The following SLC26A11 variants were observed in gnomAD, a reference collection of about 807,000 sequenced individuals.
SLC26A11 encodes the protein solute carrier family 26 member 11.
SLC26A11 carries 58 observed loss-of-function variants against 62.2 expected under a neutral mutation model. The ratio of observed to expected loss-of-function variants is 0.93; its 90% CI spans 0.76 to 1.16. SLC26A11 has a LOEUF of 1.16. Ranked by LOEUF, SLC26A11 falls within the 50% of genes most tolerant of loss-of-function variation. SLC26A11 has a pLI of 0.00. For synonymous variants in SLC26A11, 411 were observed against 368.9 expected (o/e 1.11, Z -1.31); for missense variants, 790 against 794.3 (o/e 0.99, Z 0.06).
rs975758291 is a variant in SLC26A11 at position 80,248,616 on chromosome 17, C to G, written c.1464C>G (p.Gly488=). The change falls in exon 15 of 18, where the codon GGC becomes GGG. Residue 488 remains glycine (G), a synonymous_variant. Coordinates refer to ENST00000361193, the MANE Select transcript of SLC26A11 (RefSeq NM_001166347.2). The stretch of plus-strand genomic sequence containing the variant: ...TTCTGGTCCTGCAGCCGGCCAGCGG[C>G]CTGTCCTTCCCTGCCATGGAGGCTC... ...GPVLVLQPAS[G]LSFPAMEALR... 6.3e-7 allele frequency: 1 copy of G among 1,590,384 alleles called. No individual in the cohort carries two copies. The highest frequency in any genetic ancestry group is 1.3e-5 in the African/African-American group (1 of 74,412).
Position 80,222,533 on chromosome 17 carries a change from G to A in SLC26A11, c.235-122G>A, listed in dbSNP as rs2042251126. On this transcript the variant is annotated intron_variant, in intron 3 of 17. Coordinates refer to ENST00000361193, the MANE Select transcript of SLC26A11 (RefSeq NM_001166347.2). The surrounding 1 kb of genome is among the most constrained non-coding windows in gnomAD (Gnocchi z 4.7). Reference sequence around the variant, plus strand: ...AGGTCCACCCACAGGGCAGGGCGGTGCACCTTTAACCTGGGCCTGGACACA... The same window carrying A: ...AGGTCCACCCACAGGGCAGGGCGGTACACCTTTAACCTGGGCCTGGACACA... The A allele has an allele frequency of 5.8e-6, 6 of 1,030,838 alleles. No homozygotes were observed. In the South Asian group the frequency reaches 7.5e-5, roughly 13 times the overall value. The allele number at this position is 1,030,838 out of a possible 1,614,324, so 63.9% of individuals were successfully genotyped here. A position where few individuals can be genotyped will look rare whatever the true frequency, so the allele number is the denominator to read the frequency against.
At position 80,222,465 on chromosome 17, in the gene SLC26A11, C is replaced by A; in HGVS notation, c.235-190C>A. On this transcript the variant is annotated intron_variant, in intron 3 of 17. Coordinates refer to ENST00000361193, the MANE Select transcript of SLC26A11 (RefSeq NM_001166347.2). The surrounding 1 kb of genome is among the most constrained non-coding windows in gnomAD (Gnocchi z 4.7). ...CTGCCTGGCTGTCTGCACCCTGAGG[C>A]CCCAGTTGAGTGCTGCTAAAAAAGT... 3 of 598,134 alleles carry A rather than the reference C, an allele frequency of 5.0e-6. No individual in the cohort carries two copies. The highest frequency in any genetic ancestry group is 8.9e-6 in the Non-Finnish European group (3 of 337,870). The allele number at this position is 598,134 out of a possible 1,614,324, so 37.1% of individuals were successfully genotyped here.
At chr17:80,221,867 C>T (rs2042215028) in intron 3 of SLC26A11, 73 bp downstream of exon 3, 1 of 1,409,174 alleles carries the variant, frequency 7.1e-7, no homozygotes, top group Non-Finnish European at 9.5e-7. Flanking sequence ...TCCCAGACAC[C>T]ATCAGCGATT....
At chr17:80,245,341 C>G (rs944016021) in intron 11 of SLC26A11, 85 bp downstream of exon 11, 7 of 1,376,672 alleles carry the variant, frequency 5.1e-6, no homozygotes, top group Non-Finnish European at 7.2e-6. Flanking sequence ...CTGCCCTGAC[C>G]CCGGCGCCCC....
rs1567964965 is a variant in SLC26A11 at position 80,246,015 on chromosome 17, G to A, written c.1098-139G>A. The A allele has an allele frequency of 1.8e-5, 18 of 989,946 alleles. No homozygotes were observed. The highest frequency in any genetic ancestry group is 2.6e-5 in the Non-Finnish European group (16 of 627,222). The allele number at this position is 989,946 out of a possible 1,614,324, so 61.3% of individuals were successfully genotyped here. On this transcript the variant is annotated intron_variant, in intron 11 of 17. Coordinates refer to ENST00000361193, the MANE Select transcript of SLC26A11 (RefSeq NM_001166347.2). This position sits in a 1 kb window ranked among gnomAD's most constrained non-coding sequence, Gnocchi z 4.4. The stretch of plus-strand genomic sequence containing the variant: ...ACTGCACCCTAAGTCTCTTTGCCTC[G>A]GTCCCCTTGCAGTCCCCGCCTGCTT...
At chr17:80,238,330 G>T (rs1237590466) in intron 9 of SLC26A11, among the ~76,000 whole-genome samples, 4 of 152,204 alleles carry the variant, frequency 2.6e-5, no homozygotes, top group Admixed American at 6.5e-5. Context: ...TCCAGCCTGG[G>T]CAGCAGAACA....
intron 9 of SLC26A11, among the ~76,000 whole-genome samples, chr17:80,240,787 A>G (rs549733896): frequency 7.2e-5 from 11 of 152,258 alleles, no homozygotes; most frequent in Middle Eastern, 3.4e-3. Context: ...TGGGTGACAG[A>G]GCAAGACTCC....
At chr17:80,243,006 C>G (rs193239023) in intron 10 of SLC26A11, among the ~76,000 whole-genome samples, 1 of 152,138 alleles carries the variant, frequency 6.6e-6, no homozygotes, top group Non-Finnish European at 1.5e-5. Flanking sequence ...CGCGCCTGGC[C>G]CAGTGTGAAT....
In SLC26A11 at chr17:80,221,697, A is replaced by C; in HGVS notation, c.137A>C (p.Gln46Pro). ...GCGTGGCTGCCCAGCTACTCCCTGC[A>C]GTGGCTGAAGATGGATTTCGTCGCC... ...ILAWLPSYSLQWLKMDFVAGL... is the reference protein window; with the variant it reads ...ILAWLPSYSLPWLKMDFVAGL... Residue 46 changes from glutamine (Q) to proline (P), a missense_variant, in exon 3 of 18, where the codon CAG (glutamine) becomes CCG (proline). By Grantham distance (76) the Gln-to-Pro change is moderately conservative (BLOSUM62 -1). Transcript: ENST00000361193. The C allele has an allele frequency of 6.2e-7, 1 of 1,613,710 alleles. No individual in the cohort carries two copies.
intron 6 of SLC26A11, among the ~76,000 whole-genome samples, chr17:80,226,509 T>C (rs2042415611): frequency 6.6e-6 from 1 of 152,200 alleles, no homozygotes; most frequent in Non-Finnish European, 1.5e-5. Context: ...AAGACCAGCC[T>C]GGTCAACATG....
chr17:80,220,634 C>T (rs1333269597), intron 1 of SLC26A11, 138 bp downstream of exon 1: 4 of 283,620 alleles, frequency 1.4e-5, no homozygotes, highest in Non-Finnish European at 2.0e-5. Flanking sequence ...GGGGACCACT[C>T]CCCCGCCGCG....
At chr17:80,235,220 T>C (rs534107662) in intron 7 of SLC26A11, among the ~76,000 whole-genome samples, 74 of 152,324 alleles carry the variant, frequency 4.9e-4, no homozygotes, top group Non-Finnish European at 8.5e-4. Flanking sequence ...TCTGTTTTTT[T>C]TTTAAGTATA....
intron 10 of SLC26A11, among the ~76,000 whole-genome samples, chr17:80,242,638 C>T (rs9674541): frequency 0.011 from 1,649 of 152,304 alleles, 24 homozygotes; most frequent in African/African-American, 0.037. Context: ...CCCGCTTTCA[C>T]GGTTTAGTTC....
In SLC26A11 at chr17:80,246,403, AC is replaced by A; in HGVS notation, c.1154-101del. 1 of 1,510,430 alleles carries A rather than the reference AC, an allele frequency of 6.6e-7. No homozygotes were observed. 93.6% of individuals were successfully genotyped at this position (1,510,430 alleles called of 1,614,324 possible). On this transcript the variant is annotated intron_variant, in intron 12 of 17. Transcript: ENST00000361193. This position sits in a 1 kb window ranked among gnomAD's most constrained non-coding sequence, Gnocchi z 4.4. Reference sequence around the variant, plus strand: ...TGGGGGCCTTGGCAGTCGTCGCCCTACCCCCACCCCTGTCCCCAGTGGGCTC... The same window carrying A: ...TGGGGGCCTTGGCAGTCGTCGCCCTACCCCACCCCTGTCCCCAGTGGGCTC...
rs955273643 is a variant in SLC26A11 at position 80,222,886 on chromosome 17, C to T, written c.427+39C>T. On this transcript the variant is annotated intron_variant, in intron 4 of 17. Transcript: ENST00000361193. This position sits in a 1 kb window ranked among gnomAD's most constrained non-coding sequence, Gnocchi z 4.7. ...TTCTTGCCAAGGGGATGCCCTCGAC[C>T]TCAGCATTTGCTTGTTTGCATTTCA... 1 of 1,601,230 alleles carries T rather than the reference C, an allele frequency of 6.2e-7. No individual in the cohort carries two copies. Among genetic ancestry groups the T allele is most frequent in the African/African-American group, 1.3e-5 (1 of 74,466 alleles).
intron 9 of SLC26A11, among the ~76,000 whole-genome samples, chr17:80,240,839 T>G (rs913027936): frequency 6.6e-6 from 1 of 150,988 alleles, no homozygotes; most frequent in East Asian, 2.0e-4. Flanking sequence ...GGTTTTCTTA[T>G]TATAAAAAGC....
Position 80,246,056 on chromosome 17 carries a change from G to A in SLC26A11, c.1098-98G>A, listed in dbSNP as rs1000231519. 1 of 1,429,472 alleles carries A rather than the reference G, an allele frequency of 7.0e-7. No homozygotes were observed. The highest frequency in any genetic ancestry group is 2.3e-5 in the East Asian group (1 of 44,054). The allele number at this position is 1,429,472 out of a possible 1,614,324, so 88.5% of individuals were successfully genotyped here. On this transcript the variant is annotated intron_variant, in intron 11 of 17. Transcript: ENST00000361193. This position sits in a 1 kb window ranked among gnomAD's most constrained non-coding sequence, Gnocchi z 4.4. ...CCGCCTGCTTCCCAAGCCGTGCTGGGAGCTGACGTCCCCTCGGAAGATCAG... is the reference window on the plus strand; with the variant it reads ...CCGCCTGCTTCCCAAGCCGTGCTGGAAGCTGACGTCCCCTCGGAAGATCAG...
intron 7 of SLC26A11, chr17:80,236,689 G>A: frequency 2.1e-6 from 1 of 473,348 alleles, no homozygotes; most frequent in East Asian, 3.1e-5. Context: ...GTCACCTGGA[G>A]CTTGGCAGCA....
intron 10 of SLC26A11, among the ~76,000 whole-genome samples, chr17:80,243,150 A>T (rs1598831955): frequency 1.3e-5 from 2 of 152,106 alleles, no homozygotes; most frequent in South Asian, 4.1e-4. Context: ...CACCCTGACA[A>T]TTTCACGAGA....
Sources: allele counts gnomAD v4.1 joint callset (sites outside exome capture counted in the v4.1 genomes callset), GRCh38; gene constraint gnomAD v4.1.1; non-coding constraint Gnocchi (gnomAD v3.1); transcripts MANE v1.5; gene names NCBI Gene and HGNC (gene_info 2026-07-23, HGNC 2026-07-21).